Variants in STPG2 observed in about 807,000 individuals in gnomAD.
STPG2 encodes the protein sperm-tail PG-rich repeat-containing protein 2.
STPG2 carries 56 observed loss-of-function variants against 54.2 expected under a neutral mutation model. The ratio of observed to expected loss-of-function variants is 1.03; its 90% CI spans 0.83 to 1.29. STPG2 has a LOEUF of 1.29. Ranked by LOEUF, STPG2 falls within the 50% of genes most tolerant of loss-of-function variation. STPG2 has a pLI of 0.00. For missense variants in STPG2, 596 were observed against 544.9 expected (o/e 1.09, Z -0.93); for synonymous variants, 200 against 181.8 (o/e 1.10, Z -0.81).
intron 8 of STPG2, among the ~76,000 whole-genome samples, chr4:97,843,174 G>GT (rs1299704957): frequency 2.0e-5 from 3 of 151,182 alleles, no homozygotes; most frequent in African/African-American, 7.3e-5. Context: ...GTTTTTTGGT[G>GT]GTTTTTTTTT....
intron 9 of STPG2, among the ~76,000 whole-genome samples, chr4:97,810,130 T>C (rs886074198): frequency 6.6e-6 from 1 of 152,264 alleles, no homozygotes; most frequent in East Asian, 1.9e-4. Context: ...AATGTTCTTT[T>C]TGCTGCCCAT....
chr4:97,814,487 C>T lies in STPG2; in HGVS notation c.1204+26286G>A, dbSNP rs183235218. ...GAGATTAAAGGTACATGCCACCACA[C>T]CTGGGTAATTTTTTTATTTTTATTA... On this transcript the variant is annotated intron_variant, in intron 9 of 10. Coordinates refer to ENST00000295268, the MANE Select transcript of STPG2 (RefSeq NM_174952.3). 7.0e-4 allele frequency among the ~76,000 whole-genome samples: 107 copies of T among 152,128 alleles called. 1 individual carries two copies. The highest frequency in any genetic ancestry group is 2.5e-3 in the African/African-American group (102 of 41,510).
chr4:97,633,257 T>G (rs977621016), intron 10 of STPG2, among the ~76,000 whole-genome samples: 2 of 152,194 alleles, frequency 1.3e-5, no homozygotes, highest in African/African-American at 4.8e-5. Context: ...AACGTTTTAT[T>G]AATTTTTCAG....
intron 9 of STPG2, among the ~76,000 whole-genome samples, chr4:97,794,822 G>C (rs1424218334): frequency 6.6e-6 from 1 of 152,096 alleles, no homozygotes; most frequent in African/African-American, 2.4e-5. Context: ...GACGTGGCTT[G>C]CTTGAAAAGA....
chr4:97,680,547 T>C (rs1723001028), intron 10 of STPG2, among the ~76,000 whole-genome samples: 2 of 152,278 alleles, frequency 1.3e-5, no homozygotes, highest in South Asian at 4.1e-4. Flanking sequence ...AATGGGGTTT[T>C]CTAGATATAC....
At chr4:97,768,154 G>C (rs375480756) in intron 9 of STPG2, among the ~76,000 whole-genome samples, 1 of 144,166 alleles carries the variant, frequency 6.9e-6, no homozygotes, top group Non-Finnish European at 1.5e-5. Flanking sequence ...GCAACAGAGC[G>C]AGACTCCGTC....
At chr4:97,802,126 G>A (rs1560534603) in intron 9 of STPG2, among the ~76,000 whole-genome samples, 3 of 152,110 alleles carry the variant, frequency 2.0e-5, no homozygotes, top group African/African-American at 2.4e-5. Flanking sequence ...ACCACACTTT[G>A]AGAAACACTG....
intron 9 of STPG2, among the ~76,000 whole-genome samples, chr4:97,838,366 G>A (rs190120129): frequency 1.3e-4 from 20 of 151,340 alleles, no homozygotes; most frequent in South Asian, 8.3e-4. Flanking sequence ...ATTATACAAT[G>A]ATGTTTTAAA....
chr4:97,477,811 C>T (rs1257783234), intron 4 of STPG2, among the ~76,000 whole-genome samples: 1 of 151,942 alleles, frequency 6.6e-6, no homozygotes, highest in Non-Finnish European at 1.5e-5. Context: ...ATAATTAAAA[C>T]CTCCTCATTT....
At chr4:97,695,453 T>C (rs1487681818) in intron 10 of STPG2, among the ~76,000 whole-genome samples, 3 of 152,188 alleles carry the variant, frequency 2.0e-5, no homozygotes, top group Admixed American at 6.5e-5. Flanking sequence ...ATGCGCACTT[T>C]CACCACTTCT....
At chr4:97,652,361 T>G (rs891132429) in intron 10 of STPG2, among the ~76,000 whole-genome samples, 3 of 151,872 alleles carry the variant, frequency 2.0e-5, no homozygotes, top group Non-Finnish European at 4.4e-5. Context: ...TTTCCTTATA[T>G]TAAGAGATTT....
intron 5 of STPG2, among the ~76,000 whole-genome samples, chr4:98,086,917 T>C (rs978262967): frequency 2.6e-5 from 4 of 152,212 alleles, no homozygotes; most frequent in African/African-American, 9.6e-5. Context: ...ACATACTATT[T>C]TGTTTACTTA....
intron 8 of STPG2, among the ~76,000 whole-genome samples, chr4:97,920,787 G>A (rs952679726): frequency 8.5e-5 from 13 of 152,150 alleles, no homozygotes; most frequent in Non-Finnish European, 8.8e-5. Context: ...AAGGACTGTG[G>A]CAACTATGCA....
At chr4:97,767,504 A>G (rs1160713809) in intron 9 of STPG2, among the ~76,000 whole-genome samples, 1 of 152,202 alleles carries the variant, frequency 6.6e-6, no homozygotes, top group African/African-American at 2.4e-5. Flanking sequence ...ATTTTACAAT[A>G]TAAATACAAT....
At chr4:97,743,827 A>T (rs1252441319) in intron 9 of STPG2, among the ~76,000 whole-genome samples, 1 of 151,580 alleles carries the variant, frequency 6.6e-6, no homozygotes, top group African/African-American at 2.4e-5. Flanking sequence ...TCTTCCCAAA[A>T]GAGGACATTT....
chr4:98,043,301 A>G (rs1478673237), intron 5 of STPG2, among the ~76,000 whole-genome samples: 1 of 152,014 alleles, frequency 6.6e-6, no homozygotes, highest in Non-Finnish European at 1.5e-5. Context: ...TTATCTTTTT[A>G]ATTGTAGAGC....
At chr4:98,120,115 C>G (rs144139665) in intron 3 of STPG2, among the ~76,000 whole-genome samples, 1,747 of 152,102 alleles carry the variant, frequency 0.011, 15 homozygotes, top group South Asian at 0.026. Context: ...GAGTCTTGCT[C>G]TGTCACCCAG....
Position 97,726,223 on chromosome 4 carries a change from A to G in STPG2, c.1205-13409T>C, listed in dbSNP as rs545830720. On this transcript the variant is annotated intron_variant, in intron 9 of 10. Transcript: ENST00000295268. Reference sequence around the variant, plus strand: ...AAGTAGACAATTTGTATGATATTGTACTCATATGAGGTGGCTAAAGTAGTC... The same window carrying G: ...AAGTAGACAATTTGTATGATATTGTGCTCATATGAGGTGGCTAAAGTAGTC... 2.0e-5 allele frequency among the ~76,000 whole-genome samples: 3 copies of G among 152,066 alleles called. No individual in the cohort carries two copies. The East Asian group carries it at 5.8e-4, about 29-fold the overall frequency.
chr4:97,889,832 C>T (rs1011815440), intron 8 of STPG2, among the ~76,000 whole-genome samples: 2 of 151,974 alleles, frequency 1.3e-5, no homozygotes, highest in African/African-American at 4.8e-5. Context: ...AATATTTTCT[C>T]AGTACGAAAA....
Sources: gnomAD v4.1 joint callset for allele counts (sites outside exome capture counted in the v4.1 genomes callset) on GRCh38, gnomAD v4.1.1 for gene constraint, MANE v1.5 for transcripts, NCBI Gene and HGNC (gene_info 2026-07-23, HGNC 2026-07-21) for gene names.